The following CCN5 variants were observed in gnomAD, a reference collection of about 807,000 sequenced individuals.
CCN5 encodes cellular communication network factor 5.
CCN5 carries 17 observed loss-of-function variants against 18.7 expected under a neutral mutation model. The ratio of observed to expected loss-of-function variants is 0.91; its 90% CI spans 0.62 to 1.36. CCN5 has a LOEUF of 1.36. Among genes scored for constraint, CCN5 ranks in the 40% most tolerant of loss-of-function variants. CCN5 has a pLI of 0.00. For missense variants in CCN5, 367 were observed against 342.9 expected (o/e 1.07, Z -0.56); for synonymous variants, 135 against 145.2 (o/e 0.93, Z 0.50).
At chr20:44,715,477 A>G (rs1315206451) in intron 1 of CCN5, 27 bp downstream of exon 1, 2 of 1,575,700 alleles carry the variant, frequency 1.3e-6, no homozygotes, top group Admixed American at 1.8e-5. Context: ...CCTGGAATGC[A>G]CTGCTGACTA....
Position 44,727,476 on chromosome 20 carries a change from C to A in CCN5, c.*169C>A. On this transcript the variant is annotated 3_prime_UTR_variant, in exon 4 of 4. Coordinates refer to ENST00000190983, the MANE Select transcript of CCN5 (RefSeq NM_003881.4). ...AATATTAACACGCTGCCTGGTCTGT[C>A]TGGATCCCGAGGTATGGCAGAGGTG... 3 of 1,427,834 alleles carry A rather than the reference C, an allele frequency of 2.1e-6. No individual in the cohort carries two copies. Among genetic ancestry groups the A allele is most frequent in the South Asian group, 3.1e-5 (2 of 64,188 alleles). 88.4% of individuals were successfully genotyped at this position (1,427,834 alleles called of 1,614,324 possible). A position where few individuals can be genotyped will look rare whatever the true frequency, so the allele number is the denominator to read the frequency against.
chr20:44,724,521 A>G (rs1178552561), intron 2 of CCN5: 3 of 663,208 alleles, frequency 4.5e-6, no homozygotes, highest in Admixed American at 6.9e-5. Context: ...TGGGGGGTCA[A>G]TCCAGGCCTG....
chr20:44,715,133 C>A, upstream of CCN5: 1 of 512,652 alleles, frequency 2.0e-6, no homozygotes, highest in South Asian at 2.0e-5. Context: ...CAGGCACCCC[C>A]TTGGTGGCCT....
In CCN5 at chr20:44,720,077, G is replaced by T; in HGVS notation, c.241G>T (p.Gly81Trp). 1 of 1,574,940 alleles carries T rather than the reference G, an allele frequency of 6.3e-7. No homozygotes were observed. The highest frequency in any genetic ancestry group is 8.6e-7 in the Non-Finnish European group (1 of 1,166,592). The change falls in exon 2 of 4, where the codon GGG (glycine) becomes TGG (tryptophan). Residue 81 changes from glycine (G) to tryptophan (W), a missense_variant. Gly to Trp is a radical substitution (Grantham distance 184). Transcript: ENST00000190983. Reference sequence around the variant, plus strand: ...CAGCCAGGGCCTGGTCTGCCAGCCCGGGGCAGGACCCGGTGGCCGGGGGGC... The same window carrying T: ...CAGCCAGGGCCTGGTCTGCCAGCCCTGGGCAGGACCCGGTGGCCGGGGGGC... ...DASQGLVCQPGAGPGGRGALC... is the reference protein window; with the variant it reads ...DASQGLVCQPWAGPGGRGALC...
At chr20:44,717,643 G>C (rs369442998) in intron 1 of CCN5, among the ~76,000 whole-genome samples, 2 of 152,244 alleles carry the variant, frequency 1.3e-5, no homozygotes, top group East Asian at 3.9e-4. Flanking sequence ...TTGGGAGGCC[G>C]AGGTGGGTGG....
chr20:44,720,377 A>G (rs922490290), intron 2 of CCN5: 1 of 516,754 alleles, frequency 1.9e-6, no homozygotes, highest in Non-Finnish European at 3.4e-6. Context: ...TTTCAAAGCC[A>G]AGTTCAAACA....
chr20:44,727,277 G>A lies in CCN5; in HGVS notation c.723G>A (p.Arg241=), dbSNP rs573173402. 23 of 1,613,300 alleles carry A rather than the reference G, an allele frequency of 1.4e-5. No homozygotes were observed. In the African/African-American group the frequency reaches 3.1e-4, roughly 21 times the overall value. ...LCLSRPCPPS[R]GRSPQNSAF is the part of the protein sequence containing the mutation. Reference sequence around the variant, plus strand: ...TGTCCAGGCCCTGCCCACCCTCCAGGGGTCGCAGTCCACAAAACAGTGCCT... The same window carrying A: ...TGTCCAGGCCCTGCCCACCCTCCAGAGGTCGCAGTCCACAAAACAGTGCCT... Residue 241 remains arginine, a synonymous_variant, in exon 4 of 4, where the codon AGG becomes AGA. Transcript: ENST00000190983.
chr20:44,723,588 T>G (rs1226027066), intron 2 of CCN5: 1 of 152,142 alleles, frequency 6.6e-6, no homozygotes, highest in African/African-American at 2.4e-5. Flanking sequence ...TAATGAGTCC[T>G]TTCCCCAGAC....
chr20:44,719,542 T>C (rs2065882661), intron 1 of CCN5, among the ~76,000 whole-genome samples: 1 of 152,104 alleles, frequency 6.6e-6, no homozygotes, highest in Non-Finnish European at 1.5e-5. Flanking sequence ...TAGTCCCAGC[T>C]ACTCGGGAGG....
At position 44,727,493 on chromosome 20, in the gene CCN5, G is replaced by C; in HGVS notation, c.*186G>C. 3 of 1,420,810 alleles carry C rather than the reference G, an allele frequency of 2.1e-6. No individual in the cohort carries two copies. The highest frequency in any genetic ancestry group is 2.8e-6 in the Non-Finnish European group (3 of 1,083,188). The allele number at this position is 1,420,810 out of a possible 1,614,324, so 88.0% of individuals were successfully genotyped here. Reference sequence around the variant, plus strand: ...TGGTCTGTCTGGATCCCGAGGTATGGCAGAGGTGCAAGACCTAGTCCCCTT... The same window carrying C: ...TGGTCTGTCTGGATCCCGAGGTATGCCAGAGGTGCAAGACCTAGTCCCCTT... On this transcript the variant is annotated 3_prime_UTR_variant, in exon 4 of 4. Transcript: ENST00000190983.
In CCN5 at chr20:44,727,369, C is replaced by T. The variant is rs763306825; in HGVS notation, c.*62C>T. Reference sequence around the variant, plus strand: ...CCCAGCTGGTGGCCCTGTGCCTGGGCCCTGGGCTGATGGAAGATGGTCCGT... The same window carrying T: ...CCCAGCTGGTGGCCCTGTGCCTGGGTCCTGGGCTGATGGAAGATGGTCCGT... On this transcript the variant is annotated 3_prime_UTR_variant, in exon 4 of 4. Transcript: ENST00000190983. The T allele has an allele frequency of 7.6e-5, 116 of 1,523,242 alleles. 4 individuals carry two copies. The South Asian group carries it at 1.1e-3, about 14-fold the overall frequency. The allele number at this position is 1,523,242 out of a possible 1,614,324, so 94.4% of individuals were successfully genotyped here.
rs182195588 is a variant in CCN5, at chr20:44,724,480, C to T, written c.278-258C>T. ...GGCAAGAAGAAGTGAAATCACTTGG[C>T]CCAGGTTCACAGCTAAGAAAGGGCA... On this transcript the variant is annotated intron_variant, in intron 2 of 3. Coordinates refer to ENST00000190983, the MANE Select transcript of CCN5 (RefSeq NM_003881.4). 9.5e-6 allele frequency: 5 copies of T among 526,768 alleles called. No individual in the cohort carries two copies. The East Asian group carries it at 1.7e-4, about 18-fold the overall frequency. The allele number at this position is 526,768 out of a possible 1,614,324, so 32.6% of individuals were successfully genotyped here. A position where few individuals can be genotyped will look rare whatever the true frequency, so the allele number is the denominator to read the frequency against.
At chr20:44,717,885 G>GAAAAAAAAAA (rs60571299) in intron 1 of CCN5, among the ~76,000 whole-genome samples, 1 of 90,168 alleles carries the variant, frequency 1.1e-5, no homozygotes, top group Non-Finnish European at 2.3e-5. Context: ...TCTCAAAAAA[G>GAAAAAAAAAA]AAAAAAAAAA....
chr20:44,720,059 G>T lies in CCN5; in HGVS notation c.223G>T (p.Gly75Cys). Reference protein sequence around the residue: ...DQLHVCDASQGLVCQPGAGPG... With the variant: ...DQLHVCDASQCLVCQPGAGPG... The stretch of plus-strand genomic sequence containing the variant: ...ACTCCACGTCTGCGACGCCAGCCAG[G>T]GCCTGGTCTGCCAGCCCGGGGCAGG... Residue 75 changes from glycine to cysteine, a missense_variant, in exon 2 of 4, where the codon GGC (glycine) becomes TGC (cysteine). Coordinates refer to ENST00000190983, the MANE Select transcript of CCN5 (RefSeq NM_003881.4). The T allele has an allele frequency of 6.3e-7, 1 of 1,587,954 alleles. No homozygotes were observed.
rs544666404 is a variant in CCN5 at position 44,715,556 on chromosome 20, C to T, written c.60+106C>T. The T allele has an allele frequency of 4.0e-6, 5 of 1,264,628 alleles. No individual in the cohort carries two copies. In the Admixed American group the frequency reaches 6.0e-5, roughly 15 times the overall value. The allele number at this position is 1,264,628 out of a possible 1,614,324, so 78.3% of individuals were successfully genotyped here. On this transcript the variant is annotated intron_variant, in intron 1 of 3. Coordinates refer to ENST00000190983, the MANE Select transcript of CCN5 (RefSeq NM_003881.4). ...CCCCCTTGGCAGAATTCCTCCAGGGCCCCACATTGGGCACAGTCTGGCCCC... is the reference window on the plus strand; with the variant it reads ...CCCCCTTGGCAGAATTCCTCCAGGGTCCCACATTGGGCACAGTCTGGCCCC...
rs1031922806 is a variant in CCN5, at chr20:44,726,958, C to T, written c.533-129C>T. The T allele has an allele frequency of 2.0e-5, 18 of 908,774 alleles. No individual in the cohort carries two copies. The Admixed American group carries it at 3.7e-4, about 19-fold the overall frequency. 56.3% of individuals were successfully genotyped at this position (908,774 alleles called of 1,614,324 possible). A position where few individuals can be genotyped will look rare whatever the true frequency, so the allele number is the denominator to read the frequency against. ...ATGCCATCCACTGTTAAGAAATTTA[C>T]ATAACAAGAAACTGAGATGCAGAGA... is the stretch of plus-strand genomic sequence containing the variant. On this transcript the variant is annotated intron_variant, in intron 3 of 3. Transcript: ENST00000190983.
In CCN5 at chr20:44,724,887, T is replaced by G; in HGVS notation, c.427T>G (p.Trp143Gly). 1 of 1,594,234 alleles carries G rather than the reference T, an allele frequency of 6.3e-7. No individual in the cohort carries two copies. The highest frequency in any genetic ancestry group is 2.3e-5 in the East Asian group (1 of 44,236). The stretch of plus-strand genomic sequence containing the variant: ...CAGCGAGGATGTGCGGCTGCCCAGC[T>G]GGGACTGCCCCCACCCCAGGAGGGT... ...LCSEDVRLPS[W>G]DCPHPRRVEV... Residue 143 changes from tryptophan to glycine, a missense_variant, in exon 3 of 4, where the codon TGG becomes GGG. Trp to Gly is a radical substitution (Grantham distance 184). Transcript: ENST00000190983.
Position 44,725,004 on chromosome 20 carries a change from G to C in CCN5, c.532+12G>C. The C allele has an allele frequency of 6.4e-7, 1 of 1,555,634 alleles. No homozygotes were observed. Among genetic ancestry groups the C allele is most frequent in the Non-Finnish European group, 8.7e-7 (1 of 1,152,496 alleles). ...CCTTCCAGCCCAAGGTGAGCGCAGC[G>C]GTGGTCCAGGTCAGGGCAGGACTGC... On this transcript the variant is annotated intron_variant, in intron 3 of 3. Transcript: ENST00000190983.
chr20:44,726,971 T>G, intron 3 of CCN5, 116 bp from the exon 4 acceptor site: 3 of 1,003,590 alleles, frequency 3.0e-6, no homozygotes, highest in Non-Finnish European at 4.4e-6. Context: ...AACAAGAAAC[T>G]GAGATGCAGA....
Sources: gnomAD v4.1 joint callset for allele counts (sites outside exome capture counted in the v4.1 genomes callset) on GRCh38, gnomAD v4.1.1 for gene constraint, MANE v1.5 for transcripts, NCBI Gene and HGNC (gene_info 2026-07-23, HGNC 2026-07-21) for gene names.